FBN2: variants seen among roughly 807,000 people sequenced by gnomAD.
FBN2 encodes fibrillin 2.
In FBN2, 105 loss-of-function variants were observed where a neutral mutation model predicts 355.6. The observed-to-expected ratio is 0.30, with a 90% confidence interval of 0.25 to 0.35. The LOEUF is 0.35. Ranked by LOEUF, FBN2 falls within the 10% of genes least tolerant of loss-of-function variation. The pLI is 1.00. For synonymous variants in FBN2, 1,350 were observed against 1,301.2 expected, an observed-to-expected ratio of 1.04 and a Z score of -0.81; for missense variants, 3,280 against 3,758.7, an observed-to-expected ratio of 0.87 and a Z score of 3.33.
intron 57 of FBN2, among the ~76,000 whole-genome samples, 175 bp from the exon 58 acceptor site, chr5:128,278,180 A>T (rs2126809079): frequency 6.6e-6 from 1 of 152,310 alleles, no homozygotes; most frequent in East Asian, 1.9e-4. Context: ...TGTGATGGAA[A>T]AATAATCTCA....
chr5:128,336,814 T>C (rs982382879), intron 27 of FBN2, among the ~76,000 whole-genome samples: 4 of 152,196 alleles, frequency 2.6e-5, no homozygotes, highest in Non-Finnish European at 4.4e-5. Flanking sequence ...GGCAGGGTGA[T>C]ACACTTCCTT....
rs1410663091 is a variant in FBN2 at position 128,286,776 on chromosome 5, G to A, written c.6954C>T (p.Thr2318=). Residue 2318 remains threonine, a synonymous_variant, in exon 55 of 65, where the codon ACC becomes ACT. Coordinates refer to ENST00000262464, the MANE Select transcript of FBN2 (RefSeq NM_001999.4). ...RGMMCKNLIG[T]FMCICPPGMA... is the part of the protein sequence containing the mutation. The stretch of plus-strand genomic sequence containing the variant: ...TTCCAGGAGGGCAGATGCACATGAA[G>A]GTGCCGATTAGATTCTTACACATCA... The A allele has an allele frequency of 4.3e-6, 7 of 1,614,046 alleles. No homozygotes were observed. The highest frequency in any genetic ancestry group is 2.2e-5 in the East Asian group (1 of 44,882).
At chr5:128,331,079 T>G (rs1439281191) in intron 32 of FBN2, among the ~76,000 whole-genome samples, 1 of 152,224 alleles carries the variant, frequency 6.6e-6, no homozygotes, top group East Asian at 1.9e-4. Context: ...GTTTTTAAGT[T>G]TATTTAATAG....
chr5:128,287,519 T>C lies in FBN2; in HGVS notation c.6758-89A>G, dbSNP rs115576747. On this transcript the variant is annotated intron_variant, in intron 53 of 64. Coordinates refer to ENST00000262464, the MANE Select transcript of FBN2 (RefSeq NM_001999.4). ...GTTGATGTCATTTACTTGGCGGTCA[T>C]ACACAAAGCAATAGAATAGTAGAAC... 2.7e-3 allele frequency: 3,790 copies of C among 1,430,018 alleles called. 78 individuals carry two copies. In the African/African-American group the frequency reaches 0.046, roughly 17 times the overall value. 88.6% of individuals were successfully genotyped at this position (1,430,018 alleles called of 1,614,324 possible).
rs367612582 is a variant in FBN2, at chr5:128,341,139, A to G, written c.3344-2078T>C. 1.3e-5 allele frequency among the ~76,000 whole-genome samples: 2 copies of G among 152,212 alleles called. 1 individual carries two copies. Among genetic ancestry groups the G allele is most frequent in the South Asian group, 4.1e-4 (2 of 4,834 alleles). On this transcript the variant is annotated intron_variant, in intron 25 of 64. Coordinates refer to ENST00000262464, the MANE Select transcript of FBN2 (RefSeq NM_001999.4). ...AAGATGAGAGCCAACAATTTTCCAC[A>G]GAACTTCACAGTATATCCAGAGCAA...
chr5:128,524,559 T>G (rs1270738316), intron 4 of FBN2, among the ~76,000 whole-genome samples: 1 of 152,140 alleles, frequency 6.6e-6, no homozygotes, highest in East Asian at 1.9e-4. Context: ...AGCTAAGCAG[T>G]CTAAATGTTT....
At chr5:128,291,922 G>A (rs1312852538) in intron 48 of FBN2, among the ~76,000 whole-genome samples, 3 of 152,000 alleles carry the variant, frequency 2.0e-5, no homozygotes, top group African/African-American at 7.2e-5. Context: ...TACCTGACAT[G>A]AACAACTCCA....
intron 5 of FBN2, among the ~76,000 whole-genome samples, chr5:128,472,684 G>A (rs751919967): frequency 1.4e-4 from 21 of 151,838 alleles, no homozygotes; most frequent in Non-Finnish European, 2.2e-4. Flanking sequence ...CCAGCTACTC[G>A]GGAGGCTGAG....
intron 4 of FBN2, among the ~76,000 whole-genome samples, chr5:128,524,358 T>C (rs1312628548): frequency 6.6e-6 from 1 of 152,150 alleles, no homozygotes; most frequent in Non-Finnish European, 1.5e-5. Flanking sequence ...TTTATTCTTC[T>C]CCTAAAACTT....
chr5:128,413,788 T>TA (rs1277391652), intron 7 of FBN2, among the ~76,000 whole-genome samples: 2 of 152,158 alleles, frequency 1.3e-5, no homozygotes, highest in Non-Finnish European at 2.9e-5. Flanking sequence ...AATTTTGTTT[T>TA]AAAAACATGT....
intron 7 of FBN2, among the ~76,000 whole-genome samples, chr5:128,425,379 T>C (rs1304032304): frequency 6.6e-6 from 1 of 152,124 alleles, no homozygotes; most frequent in Non-Finnish European, 1.5e-5. Context: ...TTGGGCAAAA[T>C]CTAAAATTTC....
chr5:128,412,290 C>G (rs1220659465), intron 7 of FBN2, among the ~76,000 whole-genome samples: 1 of 152,208 alleles, frequency 6.6e-6, no homozygotes, highest in Non-Finnish European at 1.5e-5. Context: ...CTTGAGCTGC[C>G]TTCCCTGATG....
chr5:128,323,054 A>G (rs1750430471), intron 34 of FBN2, among the ~76,000 whole-genome samples: 1 of 151,950 alleles, frequency 6.6e-6, no homozygotes, highest in Non-Finnish European at 1.5e-5. Context: ...GAGTTCACTC[A>G]TGATTTGGCT....
In FBN2 at chr5:128,530,641, A is replaced by G. The variant is rs1319065336; in HGVS notation, c.390T>C (p.Cys130=). ...GDGFCSRPNM[C]TCSSGQISST... is the part of the protein sequence containing the mutation. ...ATGATATTTGCCCACTGGAACAAGT[A>G]CACATGTTAGGACGGGAACAAAATC... Residue 130 remains cysteine (C), a synonymous_variant, in exon 3 of 65, where the codon TGT becomes TGC. Coordinates refer to ENST00000262464, the MANE Select transcript of FBN2 (RefSeq NM_001999.4). 1 of 1,613,246 alleles carries G rather than the reference A, an allele frequency of 6.2e-7. No individual in the cohort carries two copies. The highest frequency in any genetic ancestry group is 8.5e-7 in the Non-Finnish European group (1 of 1,179,398).
At chr5:128,491,170 T>G (rs1427212923) in intron 5 of FBN2, among the ~76,000 whole-genome samples, 1 of 152,216 alleles carries the variant, frequency 6.6e-6, no homozygotes, top group Non-Finnish European at 1.5e-5. Flanking sequence ...GGACTTCTTT[T>G]TCAAGTTACA....
In FBN2 at chr5:128,289,208, G is replaced by C. The variant is rs1415043313; in HGVS notation, c.6556C>G (p.Gln2186Glu). Residue 2186 changes from glutamine (Q) to glutamate (E), a missense_variant, in exon 52 of 65, where the codon CAA becomes GAA. Transcript: ENST00000262464. ...AAAGATCCGTCGGTGTTGATACATT[G>C]ACCATTTGAACAAATGCCTGGGCTC... ...LESPGICSNG[Q>E]CINTDGSFRC... is the part of the protein sequence containing the mutation. 4.3e-6 allele frequency: 7 copies of C among 1,613,460 alleles called. No individual in the cohort carries two copies. In the African/African-American group the frequency reaches 9.3e-5, roughly 22 times the overall value.
chr5:128,464,568 A>G (rs1369952802), intron 6 of FBN2, among the ~76,000 whole-genome samples, 156 bp downstream of exon 6: 2 of 152,226 alleles, frequency 1.3e-5, no homozygotes, highest in Non-Finnish European at 2.9e-5. Flanking sequence ...TTAGGTGGCT[A>G]AAAGATAAAC....
intron 15 of FBN2, among the ~76,000 whole-genome samples, chr5:128,373,650 T>A (rs571104074): frequency 2.6e-5 from 4 of 152,202 alleles, no homozygotes; most frequent in Non-Finnish European, 4.4e-5. Context: ...AGAAGCCTCA[T>A]GAAAACATTT....
chr5:128,364,603 T>C lies in FBN2; in HGVS notation c.2425A>G (p.Ile809Val), dbSNP rs1247288923. The change falls in exon 18 of 65, where the codon ATT becomes GTT. Residue 809 changes from isoleucine to valine, a missense_variant. Physicochemically the swap from Ile to Val is conservative, Grantham distance 29. Transcript: ENST00000262464. Reference protein sequence around the residue: ...YEPDASGRNCIDIDECLVNRL... With the variant: ...YEPDASGRNCVDIDECLVNRL... The stretch of plus-strand genomic sequence containing the variant: ...ATAAATATAACAAATAACTTACCAA[T>C]ACAGTTTCTTCCAGAGGCATCTGGT... The C allele has an allele frequency of 4.3e-6, 7 of 1,613,238 alleles. No homozygotes were observed. The highest frequency in any genetic ancestry group is 2.2e-5 in the East Asian group (1 of 44,816).
Sources: allele counts gnomAD v4.1 joint callset (sites outside exome capture counted in the v4.1 genomes callset), GRCh38; gene constraint gnomAD v4.1.1; transcripts MANE v1.5; gene names NCBI Gene and HGNC (gene_info 2026-07-23, HGNC 2026-07-21).